The following ZNF467 variants were observed in gnomAD, a reference collection of about 807,000 sequenced individuals.
ZNF467 encodes the protein zinc finger protein EZI.
Under a neutral mutation model 47.8 loss-of-function variants are expected in ZNF467, and 51 were observed. That is an observed-to-expected ratio of 1.07 (90% CI 0.85 to 1.35). The LOEUF (loss-of-function observed/expected upper bound fraction) is 1.35. ZNF467 is among the 40% of genes most tolerant of loss of function. The pLI, the probability that ZNF467 is intolerant of heterozygous loss-of-function variation, is 0.00. For missense variants in ZNF467, 992 were observed against 858.1 expected (o/e 1.16, Z -1.95); for synonymous variants, 416 against 372.9 (o/e 1.12, Z -1.33).
intron 1 of ZNF467, 22 bp from the exon 2 acceptor site, chr7:149,771,096 G>T (rs1302162323): frequency 6.2e-7 from 1 of 1,609,796 alleles, no homozygotes; most frequent in Non-Finnish European, 8.5e-7. Flanking sequence ...AGACAGCCTT[G>T]TTCAGATTTT....
At position 149,769,098 on chromosome 7, in the gene ZNF467, G is replaced by T; in HGVS notation, c.254C>A (p.Thr85Asn). Reference sequence around the variant, plus strand: ...GTGATGGGAAGACTCACCTGGGCAGGTACCCACAGGCTGAGCCTTCTGTGC... The same window carrying T: ...GTGATGGGAAGACTCACCTGGGCAGTTACCCACAGGCTGAGCCTTCTGTGC... Reference protein sequence around the residue: ...CSAQKAQPVGTCPGEEWMIRK... With the variant: ...CSAQKAQPVGNCPGEEWMIRK... Residue 85 changes from threonine to asparagine, a missense_variant, in exon 4 of 5, where the codon ACC (threonine) becomes AAC (asparagine). By Grantham distance (65) the Thr-to-Asn change is moderately conservative. Transcript: ENST00000302017. This position sits in a 1 kb window ranked among gnomAD's most constrained non-coding sequence, Gnocchi z 5.3. 1 of 1,550,254 alleles carries T rather than the reference G, an allele frequency of 6.5e-7. No individual in the cohort carries two copies.
Position 149,771,006 on chromosome 7 carries a change from G to A in ZNF467, c.27C>T (p.Ser9=), listed in dbSNP as rs1799384993. ...TCATTTCTGCCAGCTCACCCAGGGA[G>A]CTGAGGGCCTCCAAGGTCTCTCTCA... MRETLEAL[S]SLGFSVGQPE... Residue 9 remains serine, a synonymous_variant, in exon 2 of 5, where the codon AGC becomes AGT. Coordinates refer to ENST00000302017, the MANE Select transcript of ZNF467 (RefSeq NM_207336.3). The A allele has an allele frequency of 6.2e-7, 1 of 1,614,064 alleles. No individual in the cohort carries two copies. The highest frequency in any genetic ancestry group is 2.2e-5 in the East Asian group (1 of 44,886).
Position 149,766,002 on chromosome 7 carries a change from C to A in ZNF467, c.500G>T (p.Arg167Leu), listed in dbSNP as rs1168888721. The change falls in exon 5 of 5, where the codon CGG (arginine) becomes CTG (leucine). Residue 167 changes from arginine to leucine, a missense_variant. Coordinates refer to ENST00000302017, the MANE Select transcript of ZNF467 (RefSeq NM_207336.3). ...CAACGTCAGCTGGTCCCGGAAGCGC[C>A]GCTCACACTCCCCGCAGCCGTAGGG... Reference protein sequence around the residue: ...EKPYGCGECERRFRDQLTLRL... With the variant: ...EKPYGCGECELRFRDQLTLRL... The A allele has an allele frequency of 2.6e-6, 4 of 1,562,978 alleles. No homozygotes were observed. The highest frequency in any genetic ancestry group is 3.5e-6 in the Non-Finnish European group (4 of 1,154,320).
rs763718977 is a variant in ZNF467 at position 149,765,197 on chromosome 7, G to A, written c.1305C>T (p.Asp435=). 1.1e-5 allele frequency: 17 copies of A among 1,506,490 alleles called. No individual in the cohort carries two copies. Among genetic ancestry groups the A allele is most frequent in the Middle Eastern group, 2.0e-4 (1 of 4,938 alleles). The allele number at this position is 1,506,490 out of a possible 1,614,324, so 93.3% of individuals were successfully genotyped here. A position where few individuals can be genotyped will look rare whatever the true frequency, so the allele number is the denominator to read the frequency against. Residue 435 remains aspartate (D), a synonymous_variant, in exon 5 of 5, where the codon GAC becomes GAT. Coordinates refer to ENST00000302017, the MANE Select transcript of ZNF467 (RefSeq NM_207336.3). ...GCCCATGGGAGAAGCCGCGCCCGCA[G>A]TCCGGGCAGAAGAAGGACCGCTCGC... ...PSGERSFFCP[D]CGRGFSHGQH... is the part of the protein sequence containing the mutation.
At chr7:149,776,217 C>A, upstream of ZNF467, 1 of 1,093,672 alleles carries the variant, frequency 9.1e-7, no homozygotes, top group Non-Finnish European at 1.2e-6. Context: ...CGCCACTTCC[C>A]ATGAGTGTCT....
chr7:149,771,136 C>A, intron 1 of ZNF467, 62 bp from the exon 2 acceptor site: 7 of 1,424,698 alleles, frequency 4.9e-6, no homozygotes, highest in Non-Finnish European at 9.9e-7. Context: ...TGGGCCCTGG[C>A]TCTGCCCAAC....
chr7:149,765,663 C>T lies in ZNF467; in HGVS notation c.839G>A (p.Arg280His), dbSNP rs753079295. 1 of 1,612,306 alleles carries T rather than the reference C, an allele frequency of 6.2e-7. No individual in the cohort carries two copies. Among genetic ancestry groups the T allele is most frequent in the Non-Finnish European group, 8.5e-7 (1 of 1,179,406 alleles). The change falls in exon 5 of 5, where the codon CGC becomes CAC. Residue 280 changes from arginine (R) to histidine (H), a missense_variant. Physicochemically the swap from Arg to His is conservative, Grantham distance 29. Transcript: ENST00000302017. ...AATCAAGTGCGTCTTCTTGCGAAAG[C>T]GCTTCTCGCATTCCGTGCAGGGGAA... is the stretch of plus-strand genomic sequence containing the variant. The part of the protein sequence containing the change: ...RPFPCTECEK[R>H]FRKKTHLIRH...
intron 4 of ZNF467, among the ~76,000 whole-genome samples, chr7:149,767,550 C>G (rs1483617145): frequency 6.6e-6 from 1 of 152,132 alleles, no homozygotes; most frequent in African/African-American, 2.4e-5. Context: ...TCAATAGCTC[C>G]TATTTATTTA....
chr7:149,770,640 C>T, intron 2 of ZNF467, 84 bp from the exon 3 acceptor site: 1 of 1,239,692 alleles, frequency 8.1e-7, no homozygotes, highest in Non-Finnish European at 1.1e-6. Context: ...CCCTTCCCAG[C>T]CTGCCCAAGA....
In ZNF467 at chr7:149,765,499, A is replaced by G. The variant is rs765100411; in HGVS notation, c.1003T>C (p.Ser335Pro). 6.3e-7 allele frequency: 1 copy of G among 1,582,668 alleles called. No individual in the cohort carries two copies. The highest frequency in any genetic ancestry group is 1.8e-4 in the Middle Eastern group (1 of 5,602). ...GGGGCAGTGGAATGAGGAGAAGCGG[A>G]CGAGTCGGGAGAGGGCCTGGCCGGG... ...AGPARPSPDSSASPHSTAPSP... is the reference protein window; with the variant it reads ...AGPARPSPDSPASPHSTAPSP... Residue 335 changes from serine (S) to proline (P), a missense_variant, in exon 5 of 5, where the codon TCC becomes CCC. Transcript: ENST00000302017.
upstream of ZNF467, among the ~76,000 whole-genome samples, chr7:149,774,747 G>A (rs145423489): frequency 3.9e-5 from 6 of 152,122 alleles, no homozygotes; most frequent in Non-Finnish European, 5.9e-5. This position sits in a 1 kb window ranked among gnomAD's most constrained non-coding sequence, Gnocchi z 5.7. Context: ...CTGGGTGTGC[G>A]TGTGGCTCTT....
At chr7:149,776,358 G>C (rs777539845), upstream of ZNF467, 1 of 1,362,778 alleles carries the variant, frequency 7.3e-7, no homozygotes, top group Non-Finnish European at 9.8e-7. Context: ...GGTGGTGTGA[G>C]TGGACAGAGA....
chr7:149,775,965 T>C (rs1206503463), upstream of ZNF467: 6 of 1,155,312 alleles, frequency 5.2e-6, no homozygotes, highest in Non-Finnish European at 7.0e-6. Context: ...CGCTGGCCTC[T>C]CTGCCCTCTC....
intron 2 of ZNF467, 150 bp downstream of exon 2, chr7:149,770,849 A>T: frequency 1.1e-6 from 1 of 919,122 alleles, no homozygotes; most frequent in Non-Finnish European, 1.7e-6. Context: ...AGGCATTCAG[A>T]CACCCCGTGC....
upstream of ZNF467, among the ~76,000 whole-genome samples, chr7:149,773,690 T>G: frequency 1.1e-5 from 1 of 91,768 alleles, no homozygotes; most frequent in South Asian, 4.3e-4. Flanking sequence ...AGGGGCCGTG[T>G]CGGGGGGGAG....
intron 1 of ZNF467, among the ~76,000 whole-genome samples, chr7:149,771,618 C>G (rs1037609626): frequency 1.7e-4 from 26 of 152,058 alleles, no homozygotes; most frequent in African/African-American, 6.3e-4. Flanking sequence ...TAAACCCCTA[C>G]CACAAAACCA....
At chr7:149,774,696 A>C (rs1411852701), upstream of ZNF467, among the ~76,000 whole-genome samples, 1 of 152,068 alleles carries the variant, frequency 6.6e-6, no homozygotes, top group African/African-American at 2.4e-5. This position sits in a 1 kb window ranked among gnomAD's most constrained non-coding sequence, Gnocchi z 5.7. Context: ...TGAGACTTAC[A>C]GTGAGAGTGT....
chr7:149,772,538 G>A (rs1361647114), intron 1 of ZNF467, among the ~76,000 whole-genome samples: 2 of 76,154 alleles, frequency 2.6e-5, no homozygotes, highest in East Asian at 6.7e-4. Context: ...CTTCTCCGCC[G>A]CGGCGCCCCC....
chr7:149,770,382 G>A, intron 3 of ZNF467, 58 bp downstream of exon 3: 1 of 1,230,312 alleles, frequency 8.1e-7, no homozygotes, highest in Non-Finnish European at 1.2e-6. Flanking sequence ...AGGTAGGGAG[G>A]GCAGGAGGAA....
Sources: gnomAD v4.1 joint callset for allele counts (sites outside exome capture counted in the v4.1 genomes callset) on GRCh38, gnomAD v4.1.1 for gene constraint, Gnocchi (gnomAD v3.1) non-coding constraint, MANE v1.5 for transcripts, NCBI Gene and HGNC (gene_info 2026-07-23, HGNC 2026-07-21) for gene names.